The following ZNF385D variants were observed in gnomAD, a reference collection of about 807,000 sequenced individuals.
The protein encoded by ZNF385D is zinc finger protein 385D, also known as zinc finger protein 659.
ZNF385D carries 15 observed loss-of-function variants against 35.8 expected under a neutral mutation model. The observed-to-expected ratio is 0.42, with a 90% confidence interval of 0.28 to 0.64. The LOEUF (loss-of-function observed/expected upper bound fraction) is 0.64. Ranked by LOEUF, ZNF385D falls within the 30% of genes least tolerant of loss-of-function variation. The probability of loss-of-function intolerance (pLI) is 0.23; values close to 1 mark genes in which losing one functional copy is unlikely to be tolerated. For synonymous variants in ZNF385D, 212 were observed against 186.8 expected, an observed-to-expected ratio of 1.13 and a Z score of -1.10; for missense variants, 474 against 494.6, an observed-to-expected ratio of 0.96 and a Z score of 0.39.
chr3:22,111,152 A>ATTTTTTTTTTTTTTTTT (rs61708178), intron 3 of ZNF385D, among the ~76,000 whole-genome samples: 22 of 68,976 alleles, frequency 3.2e-4, no homozygotes, highest in East Asian at 3.0e-3. Flanking sequence ...TCCATGTTGG[A>ATTTTTTTTTTTTTTTTT]TTTTTTTTTT....
chr3:22,109,758 G>T (rs934849381), intron 3 of ZNF385D, among the ~76,000 whole-genome samples: 1 of 151,986 alleles, frequency 6.6e-6, no homozygotes, highest in East Asian at 1.9e-4. Context: ...CAATGGCAAA[G>T]AAAGCCAAAA....
intron 2 of ZNF385D, among the ~76,000 whole-genome samples, chr3:21,575,090 T>C (rs563990091): frequency 2.0e-5 from 3 of 152,198 alleles, no homozygotes; most frequent in Non-Finnish European, 2.9e-5. Context: ...TGTTATAAAA[T>C]TTATCATTAT....
chr3:21,661,924 T>C (rs971702618), intron 2 of ZNF385D, among the ~76,000 whole-genome samples: 8 of 152,162 alleles, frequency 5.3e-5, no homozygotes, highest in African/African-American at 1.2e-4. Context: ...ATAAGAGATA[T>C]CCACTTATAT....
At chr3:22,213,775 C>A (rs1697676480) in intron 2 of ZNF385D, among the ~76,000 whole-genome samples, 1 of 151,972 alleles carries the variant, frequency 6.6e-6, no homozygotes, top group Non-Finnish European at 1.5e-5. Flanking sequence ...ACACCAGAAG[C>A]AAGAAGTCTC....
chr3:22,332,348 C>T (rs1694977605), intron 2 of ZNF385D, among the ~76,000 whole-genome samples: 1 of 152,060 alleles, frequency 6.6e-6, no homozygotes, highest in Non-Finnish European at 1.5e-5. Flanking sequence ...TCAAAGAGGG[C>T]TCTTTTTCTG....
At chr3:21,551,983 A>T (rs978868805) in intron 3 of ZNF385D, among the ~76,000 whole-genome samples, 5 of 152,158 alleles carry the variant, frequency 3.3e-5, no homozygotes, top group African/African-American at 1.2e-4. Flanking sequence ...AAGAACTACA[A>T]ACTATTATTT....
chr3:21,841,351 T>TA (rs1414099589), intron 3 of ZNF385D, among the ~76,000 whole-genome samples: 1 of 152,058 alleles, frequency 6.6e-6, no homozygotes, highest in Non-Finnish European at 1.5e-5. Flanking sequence ...AATATCCATT[T>TA]ATGTATAATT....
chr3:21,690,432 A>G (rs1031121407), intron 1 of ZNF385D, among the ~76,000 whole-genome samples: 1 of 152,192 alleles, frequency 6.6e-6, no homozygotes, highest in African/African-American at 2.4e-5. Context: ...TTGATTAGGT[A>G]AAGTCCTGAT....
At chr3:21,543,193 C>A (rs2062240297) in intron 3 of ZNF385D, among the ~76,000 whole-genome samples, 1 of 152,146 alleles carries the variant, frequency 6.6e-6, no homozygotes, top group Admixed American at 6.5e-5. Flanking sequence ...CGCCTGTAAT[C>A]TCAGCTACAC....
chr3:21,585,740 A>G (rs1226557814), intron 2 of ZNF385D, among the ~76,000 whole-genome samples: 1 of 152,214 alleles, frequency 6.6e-6, no homozygotes, highest in Non-Finnish European at 1.5e-5. Flanking sequence ...CGCCTTGGCA[A>G]AAGTTCCCGT....
chr3:21,842,226 A>T (rs981508321), intron 3 of ZNF385D, among the ~76,000 whole-genome samples: 9 of 152,000 alleles, frequency 5.9e-5, no homozygotes, highest in African/African-American at 2.2e-4. Context: ...TCTGCTCTGA[A>T]TCCCAGGCTG....
intron 2 of ZNF385D, among the ~76,000 whole-genome samples, chr3:22,262,555 A>G (rs1700687522): frequency 6.6e-6 from 1 of 152,020 alleles, no homozygotes; most frequent in Admixed American, 6.6e-5. Context: ...AAAGTATAAT[A>G]GCATATGTTT....
chr3:21,897,491 A>T (rs966687041), intron 3 of ZNF385D, among the ~76,000 whole-genome samples: 5 of 152,072 alleles, frequency 3.3e-5, no homozygotes, highest in Non-Finnish European at 7.4e-5. Flanking sequence ...AGCTAACTAA[A>T]TTCTCCTTTT....
chr3:21,449,160 G>A (rs1253438854), intron 4 of ZNF385D, among the ~76,000 whole-genome samples: 1 of 151,484 alleles, frequency 6.6e-6, no homozygotes, highest in African/African-American at 2.4e-5. Flanking sequence ...ATATTTTACG[G>A]CAGAGTTATA....
At chr3:21,849,602 TTTC>T (rs1382491445) in intron 3 of ZNF385D, 4 of 110,680 alleles carry the variant, frequency 3.6e-5, no homozygotes, top group South Asian at 3.8e-4. Context: ...GTGAAACCCA[TTTC>T]TTTTTTTTTT....
intron 3 of ZNF385D, among the ~76,000 whole-genome samples, chr3:21,811,514 G>A (rs993863465): frequency 6.6e-6 from 1 of 152,090 alleles, no homozygotes; most frequent in African/African-American, 2.4e-5. Flanking sequence ...GTTAAAATGT[G>A]AGAATTCATA....
At chr3:21,973,676 C>A (rs901407250) in intron 3 of ZNF385D, among the ~76,000 whole-genome samples, 4 of 151,838 alleles carry the variant, frequency 2.6e-5, no homozygotes, top group African/African-American at 9.7e-5. Context: ...TTTGGAAAAA[C>A]CTAAAGACTC....
intron 2 of ZNF385D, among the ~76,000 whole-genome samples, chr3:21,593,376 T>C (rs1203942630): frequency 6.6e-6 from 1 of 152,164 alleles, no homozygotes; most frequent in Non-Finnish European, 1.5e-5. Flanking sequence ...TCTTTACCCT[T>C]GAACCAGATC....
At chr3:22,102,462 T>C (rs1037241548) in intron 3 of ZNF385D, among the ~76,000 whole-genome samples, 1 of 151,962 alleles carries the variant, frequency 6.6e-6, no homozygotes, top group Non-Finnish European at 1.5e-5. Context: ...ACCAATTCCC[T>C]CCTTCCCGCA....
Sources: allele counts gnomAD v4.1 joint callset (sites outside exome capture counted in the v4.1 genomes callset), GRCh38; gene constraint gnomAD v4.1.1; transcripts MANE v1.5; gene names NCBI Gene and HGNC (gene_info 2026-07-23, HGNC 2026-07-21).